Variants in CEP295 observed in about 807,000 individuals in gnomAD.
CEP295 encodes the protein centrosomal protein of 295 kDa.
In CEP295, 190 loss-of-function variants were observed where a neutral mutation model predicts 291.6. The observed-to-expected ratio is 0.65, with a 90% CI of 0.58 to 0.73. The LOEUF is 0.73. Ranked by LOEUF, CEP295 falls within the 30% of genes least tolerant of loss-of-function variation. CEP295 has a pLI of 0.00. For synonymous variants in CEP295, 993 were observed against 1,038.8 expected (o/e 0.96, Z 0.85); for missense variants, 2,863 against 2,949.4 (o/e 0.97, Z 0.68).
At position 93,698,134 on chromosome 11, in the gene CEP295, G is replaced by A. The variant is rs762426251; in HGVS notation, c.3222G>A (p.Arg1074=). 1.1e-5 allele frequency: 17 copies of A among 1,552,048 alleles called. No individual in the cohort carries two copies. In the African/African-American group the frequency reaches 2.2e-4, roughly 20 times the overall value. The change falls in exon 15 of 30, where the codon AGG becomes AGA. Residue 1074 remains arginine (R), a synonymous_variant. Transcript: ENST00000325212. ...AACAGAGGGATACTCTTCAGGCTAG[G>A]CATGAAGCTCAGGTGGAATTACTTT... is the stretch of plus-strand genomic sequence containing the variant. The part of the protein sequence containing the change: ...LTKQRDTLQA[R]HEAQVELLLH...
intron 7 of CEP295, among the ~76,000 whole-genome samples, chr11:93,682,216 TTA>T (rs1951010006): frequency 6.6e-6 from 1 of 152,060 alleles, no homozygotes; most frequent in Admixed American, 6.6e-5. Flanking sequence ...ACTTTTTAAT[TTA>T]TTTTTATTTA....
chr11:93,670,941 G>A (rs1180335780), intron 5 of CEP295, among the ~76,000 whole-genome samples: 1 of 152,130 alleles, frequency 6.6e-6, no homozygotes, highest in Non-Finnish European at 1.5e-5. Context: ...GGAGTGCAGT[G>A]GTGCAATCTT....
chr11:93,674,678 C>CT, intron 5 of CEP295, among the ~76,000 whole-genome samples: 1 of 151,656 alleles, frequency 6.6e-6, no homozygotes, highest in South Asian at 2.1e-4. Flanking sequence ...AGGGACTTTG[C>CT]TAAGTTTTCA....
rs1951844761 is a variant in CEP295 at position 93,696,403 on chromosome 11, T to C, written c.1755T>C (p.Leu585=). ...RQMIRNYQHQ[L]LQQNRLHRQS... ...TGATTCGTAACTATCAACATCAGCT[T>C]TTACAACAAAACAGGTATTAGCTAG... Residue 585 remains leucine (L), a synonymous_variant, in exon 14 of 30, where the codon CTT becomes CTC. Transcript: ENST00000325212. 1 of 1,541,748 alleles carries C rather than the reference T, an allele frequency of 6.5e-7. No homozygotes were observed. The highest frequency in any genetic ancestry group is 1.4e-5 in the African/African-American group (1 of 72,832).
chr11:93,729,963 G>A lies in CEP295; in HGVS notation c.7661G>A (p.Gly2554Asp). Residue 2554 changes from glycine (G) to aspartate (D), a missense_variant, in exon 28 of 30, where the codon GGT (glycine) becomes GAT (aspartate). By Grantham distance (94) the Gly-to-Asp change is moderately conservative. Coordinates refer to ENST00000325212, the MANE Select transcript of CEP295 (RefSeq NM_033395.2). ...KTTQALRHQR[G>D]LRLYNQLAEV... Reference sequence around the variant, plus strand: ...ACACAGGCTCTAAGGCACCAAAGGGGTCTAAGGTAGGGTTAATTTTTTTTT... The same window carrying A: ...ACACAGGCTCTAAGGCACCAAAGGGATCTAAGGTAGGGTTAATTTTTTTTT... 6.6e-7 allele frequency: 1 copy of A among 1,523,976 alleles called. No homozygotes were observed. The highest frequency in any genetic ancestry group is 8.8e-7 in the Non-Finnish European group (1 of 1,139,112). 94.4% of individuals were successfully genotyped at this position (1,523,976 alleles called of 1,614,324 possible).
intron 12 of CEP295, 49 bp downstream of exon 12, chr11:93,692,079 T>A: frequency 9.7e-7 from 1 of 1,028,336 alleles, no homozygotes; most frequent in Non-Finnish European, 1.4e-6. Flanking sequence ...CTAGGTACTA[T>A]TATATAATTT....
rs1951079113 is a variant in CEP295, at chr11:93,683,575, TGAAA to T, written c.786_789del (p.Lys262AsnfsTer17). On this transcript the variant is annotated frameshift_variant, in exon 8 of 30. Coordinates refer to ENST00000325212, the MANE Select transcript of CEP295 (RefSeq NM_033395.2). LOFTEE classifies it high-confidence loss of function. ...TTCTTGAAGAATCAGGAGAAACTAATGAAAGAACTCAAACAGCTACAGCAAGAGG... is the reference window on the plus strand; with the variant it reads ...TTCTTGAAGAATCAGGAGAAACTAATGAACTCAAACAGCTACAGCAAGAGG... The T allele has an allele frequency of 6.6e-7, 1 of 1,508,638 alleles. No homozygotes were observed. The highest frequency in any genetic ancestry group is 8.8e-7 in the Non-Finnish European group (1 of 1,134,594). 93.5% of individuals were successfully genotyped at this position (1,508,638 alleles called of 1,614,324 possible).
At chr11:93,722,359 G>A (rs1333499005) in intron 20 of CEP295, 2 of 266,742 alleles carry the variant, frequency 7.5e-6, no homozygotes, top group Non-Finnish European at 1.4e-5. Flanking sequence ...CTACTCAGGA[G>A]GCTGAGGTGA....
chr11:93,720,489 A>AAAAAG (rs34039567), intron 18 of CEP295, among the ~76,000 whole-genome samples: 66,215 of 120,888 alleles, frequency 0.55, 21,653 homozygotes, highest in Admixed American at 0.59. Context: ...AAAAAAAAAA[A>AAAAAG]ACTGTCTCTA....
intron 9 of CEP295, among the ~76,000 whole-genome samples, chr11:93,684,745 A>G (rs1008148025): frequency 6.6e-6 from 1 of 152,174 alleles, no homozygotes; most frequent in East Asian, 1.9e-4. Context: ...CCTTATGTGT[A>G]TGCCCTCAGT....
At chr11:93,665,910 A>G (rs550071583) in intron 1 of CEP295, among the ~76,000 whole-genome samples, 3 of 152,346 alleles carry the variant, frequency 2.0e-5, no homozygotes, top group African/African-American at 7.2e-5. Context: ...CTAGGAACAA[A>G]GAACCCTTGA....
At chr11:93,722,762 A>AT (rs973594616) in intron 20 of CEP295, 457 of 278,360 alleles carry the variant, frequency 1.6e-3, no homozygotes, top group East Asian at 2.6e-3. Flanking sequence ...TGTCAATTAC[A>AT]TTTTTTTTTC....
intron 9 of CEP295, among the ~76,000 whole-genome samples, chr11:93,684,631 G>A (rs1951137111): frequency 6.6e-6 from 1 of 152,174 alleles, no homozygotes; most frequent in Admixed American, 6.5e-5. Flanking sequence ...GTTGTCAGGT[G>A]GAGATCGTTA....
chr11:93,724,250 C>G lies in CEP295; in HGVS notation c.6197-4C>G, dbSNP rs1953974408. On this transcript the variant is annotated splice_region_variant and splice_polypyrimidine_tract_variant and intron_variant, in intron 21 of 29. Coordinates refer to ENST00000325212, the MANE Select transcript of CEP295 (RefSeq NM_033395.2). ...AATTCTAACAGTTGACCTTGACTTT[C>G]CAGAATTGGAACACATTTTTCCTAA... The G allele has an allele frequency of 6.5e-7, 1 of 1,544,060 alleles. No individual in the cohort carries two copies. Among genetic ancestry groups the G allele is most frequent in the Non-Finnish European group, 8.7e-7 (1 of 1,144,914 alleles).
chr11:93,668,669 C>T, intron 3 of CEP295, 139 bp from the exon 4 acceptor site: 1 of 616,730 alleles, frequency 1.6e-6, no homozygotes, highest in Non-Finnish European at 2.8e-6. Flanking sequence ...ATCAGTGGTA[C>T]TGTTGTCATG....
At chr11:93,688,979 A>G (rs926385119) in intron 10 of CEP295, among the ~76,000 whole-genome samples, 2 of 152,186 alleles carry the variant, frequency 1.3e-5, no homozygotes, top group African/African-American at 2.4e-5. Context: ...GCTTATAGTC[A>G]TTCTGGTTCC....
intron 17 of CEP295, among the ~76,000 whole-genome samples, chr11:93,705,499 T>C (rs1270743639): frequency 6.6e-6 from 1 of 152,192 alleles, no homozygotes; most frequent in Non-Finnish European, 1.5e-5. Flanking sequence ...ATTTTCTTAA[T>C]TTTGTGTTCT....
intron 9 of CEP295, among the ~76,000 whole-genome samples, chr11:93,686,385 A>G (rs988686303): frequency 6.6e-6 from 1 of 152,184 alleles, no homozygotes; most frequent in East Asian, 1.9e-4. Flanking sequence ...GGGAGTATCA[A>G]TATCTAGTTT....
rs1951914950 is a variant in CEP295, at chr11:93,697,658, A to G, written c.2746A>G (p.Thr916Ala). 1 of 1,551,900 alleles carries G rather than the reference A, an allele frequency of 6.4e-7. No individual in the cohort carries two copies. Among genetic ancestry groups the G allele is most frequent in the Non-Finnish European group, 8.7e-7 (1 of 1,147,042 alleles). ...GGGGAGAATCCAGGAATCTTCACCA[A>G]CCAAGAATAATATTGCAGTTTCCTC... ...DLGRIQESSP[T>A]KNNIAVSSDH... Residue 916 changes from threonine to alanine, a missense_variant, in exon 15 of 30, where the codon ACC (threonine) becomes GCC (alanine). Physicochemically the swap from Thr to Ala is moderately conservative, Grantham distance 58. Coordinates refer to ENST00000325212, the MANE Select transcript of CEP295 (RefSeq NM_033395.2).
Sources: gnomAD v4.1 joint callset for allele counts (sites outside exome capture counted in the v4.1 genomes callset) on GRCh38, gnomAD v4.1.1 for gene constraint, MANE v1.5 for transcripts, NCBI Gene and HGNC (gene_info 2026-07-23, HGNC 2026-07-21) for gene names.